LCLAT1: variants seen among roughly 807,000 people sequenced by gnomAD.
LCLAT1 encodes 1-AGP acyltransferase 8.
A neutral mutation model predicts 30.7 loss-of-function variants in LCLAT1; 11 were observed. The observed-to-expected ratio is 0.36, with a 90% CI of 0.23 to 0.59. The LOEUF (loss-of-function observed/expected upper bound fraction) is 0.59. Among genes scored for constraint, LCLAT1 ranks in the 20% least tolerant of loss-of-function variants. The pLI is 0.77. For missense variants in LCLAT1, 402 were observed against 458.6 expected, an observed-to-expected ratio of 0.88 and a Z score of 1.13; for synonymous variants, 155 against 151.3, an observed-to-expected ratio of 1.02 and a Z score of -0.18.
intron 5 of LCLAT1, among the ~76,000 whole-genome samples, chr2:30,601,825 T>C (rs1012320119): frequency 3.2e-4 from 48 of 151,548 alleles, no homozygotes; most frequent in African/African-American, 1.1e-3. Flanking sequence ...TATATATCTA[T>C]AGATAGATAT....
intron 1 of LCLAT1, among the ~76,000 whole-genome samples, chr2:30,523,067 G>T (rs1001924085): frequency 4.6e-5 from 7 of 151,964 alleles, no homozygotes; most frequent in African/African-American, 1.7e-4. Flanking sequence ...TGGATACAAC[G>T]TGAAGTGTAG....
intron 5 of LCLAT1, among the ~76,000 whole-genome samples, chr2:30,609,397 G>C (rs1429205483): frequency 6.6e-6 from 1 of 152,094 alleles, no homozygotes; most frequent in Non-Finnish European, 1.5e-5. Flanking sequence ...TCCCTTACAT[G>C]TGTTGTTTGG....
intron 1 of LCLAT1, among the ~76,000 whole-genome samples, chr2:30,496,335 T>C (rs956265146): frequency 3.7e-4 from 56 of 152,266 alleles, no homozygotes; most frequent in African/African-American, 1.3e-3. Context: ...GGGAATCCTG[T>C]AGGGTAGTGC....
At chr2:30,594,765 T>C (rs1370325446) in intron 5 of LCLAT1, among the ~76,000 whole-genome samples, 1 of 152,232 alleles carries the variant, frequency 6.6e-6, no homozygotes, top group Non-Finnish European at 1.5e-5. Context: ...AAACAATGCA[T>C]AATTAATACT....
intron 1 of LCLAT1, among the ~76,000 whole-genome samples, chr2:30,510,766 A>G (rs1212394294): frequency 6.6e-6 from 1 of 151,462 alleles, no homozygotes; most frequent in Non-Finnish European, 1.5e-5. Context: ...CCATCTCTTT[A>G]TCTTCTGCTG....
chr2:30,490,116 A>T (rs2148325690), intron 1 of LCLAT1, among the ~76,000 whole-genome samples: 1 of 152,024 alleles, frequency 6.6e-6, no homozygotes, highest in East Asian at 1.9e-4. Flanking sequence ...CAGGTTGGAA[A>T]TTTCACAGTT....
chr2:30,581,322 T>C (rs769389826), intron 5 of LCLAT1, among the ~76,000 whole-genome samples: 16 of 152,208 alleles, frequency 1.1e-4, no homozygotes, highest in Admixed American at 4.6e-4. Flanking sequence ...CTCAGGAAGA[T>C]CATTTCTTGA....
Position 30,580,190 on chromosome 2 carries a change from C to T in LCLAT1, c.628+12014C>T, listed in dbSNP as rs115815376. ...TTTACTAATGGTTTTGGGACTTAAA[C>T]AAATAAATCTTGTCTTTTCTGTGTA... On this transcript the variant is annotated intron_variant, in intron 5 of 5. Transcript: ENST00000379509. Among the ~76,000 whole-genome samples, 1,004 of 152,186 alleles carry T rather than the reference C, an allele frequency of 6.6e-3. 9 individuals carry two copies. The highest frequency in any genetic ancestry group is 0.023 in the African/African-American group (960 of 41,536).
chr2:30,588,579 T>A (rs1398876986), intron 5 of LCLAT1, among the ~76,000 whole-genome samples: 1 of 152,148 alleles, frequency 6.6e-6, no homozygotes, highest in Non-Finnish European at 1.5e-5. Context: ...TTTTTGTTGT[T>A]GTTGTTTTGT....
intron 3 of LCLAT1, among the ~76,000 whole-genome samples, chr2:30,561,779 C>T (rs755980113): frequency 1.3e-5 from 2 of 152,130 alleles, no homozygotes; most frequent in Non-Finnish European, 2.9e-5. Flanking sequence ...AGAACACATT[C>T]TTTTATCTCC....
At chr2:30,527,774 G>C (rs558529736) in intron 2 of LCLAT1, among the ~76,000 whole-genome samples, 165 of 152,144 alleles carry the variant, frequency 1.1e-3, no homozygotes, top group African/African-American at 3.8e-3. Flanking sequence ...TTAGTATAAT[G>C]CTTGCCATTT....
At chr2:30,483,874 C>G (rs1010718098) in intron 1 of LCLAT1, among the ~76,000 whole-genome samples, 2 of 152,208 alleles carry the variant, frequency 1.3e-5, no homozygotes, top group East Asian at 3.9e-4. Flanking sequence ...ATTAGGAGAC[C>G]TGACTTTTAG....
intron 5 of LCLAT1, among the ~76,000 whole-genome samples, chr2:30,619,207 T>G (rs1384910197): frequency 6.6e-6 from 1 of 152,196 alleles, no homozygotes; most frequent in Non-Finnish European, 1.5e-5. Flanking sequence ...CCTTGTATCT[T>G]TATATACTAC....
At chr2:30,576,117 G>A (rs969952380) in intron 5 of LCLAT1, among the ~76,000 whole-genome samples, 1 of 151,950 alleles carries the variant, frequency 6.6e-6, no homozygotes, top group Non-Finnish European at 1.5e-5. Context: ...CCTAAATATT[G>A]GTGCCCTGTA....
intron 1 of LCLAT1, among the ~76,000 whole-genome samples, chr2:30,472,837 C>T (rs1682864423): frequency 6.6e-6 from 1 of 152,118 alleles, no homozygotes; most frequent in African/African-American, 2.4e-5. Flanking sequence ...TACCTGCCCC[C>T]CACAATACCT....
chr2:30,621,486 G>A (rs75659691), intron 5 of LCLAT1, among the ~76,000 whole-genome samples: 7,931 of 152,162 alleles, frequency 0.052, 682 homozygotes, highest in African/African-American at 0.18. Context: ...AGAGCAGCCT[G>A]TAGAGACTCA....
chr2:30,483,494 T>G (rs557976590), intron 1 of LCLAT1, among the ~76,000 whole-genome samples: 1 of 152,302 alleles, frequency 6.6e-6, no homozygotes, highest in Admixed American at 6.5e-5. Flanking sequence ...AAAGTGAGGA[T>G]ATAATGTGTC....
At chr2:30,474,412 G>T (rs1158293783) in intron 1 of LCLAT1, among the ~76,000 whole-genome samples, 1 of 152,136 alleles carries the variant, frequency 6.6e-6, no homozygotes, top group East Asian at 1.9e-4. Flanking sequence ...TGCAGTGAGT[G>T]GGGGTTAAAA....
chr2:30,520,303 G>A (rs1685415529), intron 1 of LCLAT1, among the ~76,000 whole-genome samples: 1 of 152,142 alleles, frequency 6.6e-6, no homozygotes, highest in Non-Finnish European at 1.5e-5. Flanking sequence ...CACTAAGTTT[G>A]TATAAATTCT....
Sources: allele counts gnomAD v4.1 joint callset (sites outside exome capture counted in the v4.1 genomes callset), GRCh38; gene constraint gnomAD v4.1.1; transcripts MANE v1.5; gene names NCBI Gene and HGNC (gene_info 2026-07-23, HGNC 2026-07-21).